SRPK1: variants seen among roughly 807,000 people sequenced by gnomAD.
The protein encoded by SRPK1 is SRSF protein kinase 1, also known as SFRS protein kinase 1.
In SRPK1, 52 loss-of-function variants were observed where a neutral mutation model predicts 89.5. The observed-to-expected ratio is 0.58, with a 90% CI of 0.46 to 0.73. The LOEUF is 0.73. SRPK1 is among the 30% of genes least tolerant of loss of function. The pLI, the probability that SRPK1 is intolerant of heterozygous loss-of-function variation, is 0.00. For synonymous variants in SRPK1, 255 were observed against 270.2 expected (o/e 0.94, Z 0.55); for missense variants, 603 against 780.6 (o/e 0.77, Z 2.71).
chr6:35,845,693 T>A (rs932354224), intron 13 of SRPK1, among the ~76,000 whole-genome samples: 9 of 152,174 alleles, frequency 5.9e-5, no homozygotes, highest in Non-Finnish European at 1.3e-4. Context: ...CAAGGAGTGA[T>A]TACCAAACAG....
At chr6:35,907,453 C>T (rs1770872285) in intron 2 of SRPK1, among the ~76,000 whole-genome samples, 1 of 152,076 alleles carries the variant, frequency 6.6e-6, no homozygotes, top group Non-Finnish European at 1.5e-5. Context: ...CACCTGTAAT[C>T]CCAGCACTTT....
intron 14 of SRPK1, 146 bp from the exon 15 acceptor site, chr6:35,838,575 A>AG: frequency 7.1e-7 from 1 of 1,404,742 alleles, no homozygotes; most frequent in Non-Finnish European, 9.8e-7. Flanking sequence ...AAATGGGAAG[A>AG]GGAAGACTCT....
At chr6:35,880,742 A>AAAAAAAAAGAAAG (rs1770262343) in intron 6 of SRPK1, among the ~76,000 whole-genome samples, 1 of 28,190 alleles carries the variant, frequency 3.5e-5, no homozygotes, top group Non-Finnish European at 5.6e-5. Context: ...AAAGAAAAAA[A>AAAAAAAAAGAAAG]AAAAAAAAGA....
At chr6:35,891,489 G>A (rs781410849) in intron 2 of SRPK1, among the ~76,000 whole-genome samples, 3 of 152,242 alleles carry the variant, frequency 2.0e-5, no homozygotes, top group Admixed American at 1.3e-4. Context: ...GGAGGCCGAG[G>A]TGGGTGGATC....
intron 2 of SRPK1, chr6:35,895,585 A>G (rs1245379937): frequency 6.6e-6 from 1 of 151,954 alleles, no homozygotes; most frequent in Non-Finnish European, 1.5e-5. Flanking sequence ...GCCCTCTTTC[A>G]CCTGCTCCTT....
intron 2 of SRPK1, among the ~76,000 whole-genome samples, chr6:35,906,798 A>AT (rs1344172615): frequency 6.6e-6 from 1 of 151,980 alleles, no homozygotes; most frequent in Non-Finnish European, 1.5e-5. Flanking sequence ...CACAGTTAAA[A>AT]TGAGTTTTAA....
Position 35,858,567 on chromosome 6 carries a change from G to A in SRPK1, c.1513-1199C>T, listed in dbSNP as rs375454361. On this transcript the variant is annotated intron_variant, in intron 12 of 15. Coordinates refer to ENST00000373825, the MANE Select transcript of SRPK1 (RefSeq NM_003137.5). ...GGAAACTATAAAACAATGGAGCAAC[G>A]ACATTCTGAAAGAAAATGTTTTCTA... Among the ~76,000 whole-genome samples the A allele has an allele frequency of 1.2e-4, 18 of 152,210 alleles. No homozygotes were observed. The South Asian group carries it at 2.5e-3, about 21-fold the overall frequency.
At chr6:35,885,292 C>CAG (rs1237408705) in intron 6 of SRPK1, among the ~76,000 whole-genome samples, 4 of 135,320 alleles carry the variant, frequency 3.0e-5, no homozygotes, top group South Asian at 2.4e-4. Flanking sequence ...CACACACACA[C>CAG]ACACACAGAG....
intron 12 of SRPK1, among the ~76,000 whole-genome samples, chr6:35,867,606 C>T (rs1191129194): frequency 6.6e-6 from 1 of 152,008 alleles, no homozygotes; most frequent in South Asian, 2.1e-4. Context: ...ACTTGAGGTC[C>T]GGAGTTTGAG....
At chr6:35,908,321 C>T (rs1210383439) in intron 2 of SRPK1, among the ~76,000 whole-genome samples, 1 of 152,130 alleles carries the variant, frequency 6.6e-6, no homozygotes, top group Non-Finnish European at 1.5e-5. Flanking sequence ...ACTATTTTGA[C>T]CAAAATGCTG....
At chr6:35,838,952 C>A (rs1191468584) in intron 14 of SRPK1, 3 of 769,090 alleles carry the variant, frequency 3.9e-6, no homozygotes, top group Non-Finnish European at 5.4e-6. Context: ...AGAATTATTT[C>A]AGGTGGTTGG....
intron 2 of SRPK1, among the ~76,000 whole-genome samples, chr6:35,915,416 A>G (rs1404982075): frequency 6.6e-6 from 1 of 151,664 alleles, no homozygotes; most frequent in East Asian, 1.9e-4. Flanking sequence ...CAAAAAAAAA[A>G]AAAAAAAAGA....
Position 35,892,653 on chromosome 6 carries a change from AAACAACAAC to A in SRPK1, c.75-1649_75-1641del, listed in dbSNP as rs34158380. ...GGCAACAGGGCAAGATTCTGTCTAA[AAACAACAAC>A]AACAACAACAACAACAACAACAACA... On this transcript the variant is annotated intron_variant, in intron 2 of 15. Coordinates refer to ENST00000373825, the MANE Select transcript of SRPK1 (RefSeq NM_003137.5). 1.2e-3 allele frequency among the ~76,000 whole-genome samples: 179 copies of A among 148,520 alleles called. 1 individual carries two copies. Among genetic ancestry groups the A allele is most frequent in the African/African-American group, 3.6e-3 (146 of 40,376 alleles).
intron 2 of SRPK1, among the ~76,000 whole-genome samples, chr6:35,898,073 A>C (rs1770660028): frequency 6.6e-6 from 1 of 152,210 alleles, no homozygotes; most frequent in African/African-American, 2.4e-5. Context: ...TGAACTTTTA[A>C]AGTATTTATA....
chr6:35,869,376 C>T (rs1769981548), intron 11 of SRPK1, 106 bp downstream of exon 11: 1 of 1,336,872 alleles, frequency 7.5e-7, no homozygotes, highest in Admixed American at 2.0e-5. Context: ...CTTAGACACA[C>T]CTGTTGTAAA....
At chr6:35,897,883 A>G (rs1323174679) in intron 2 of SRPK1, among the ~76,000 whole-genome samples, 1 of 152,196 alleles carries the variant, frequency 6.6e-6, no homozygotes, top group Non-Finnish European at 1.5e-5. Context: ...ATGTCCAACA[A>G]GAGGTGGGTT....
intron 13 of SRPK1, among the ~76,000 whole-genome samples, chr6:35,852,448 G>A (rs1048452515): frequency 1.3e-5 from 2 of 152,136 alleles, no homozygotes; most frequent in African/African-American, 4.8e-5. Context: ...GTAAACAAAA[G>A]CAAACCTATA....
At chr6:35,858,731 G>C (rs1769717443) in intron 12 of SRPK1, among the ~76,000 whole-genome samples, 2 of 151,648 alleles carry the variant, frequency 1.3e-5, no homozygotes, top group Admixed American at 6.6e-5. Flanking sequence ...CTACAAAAAA[G>C]ATGACATAAA....
chr6:35,896,740 A>G (rs1490991565), intron 2 of SRPK1, among the ~76,000 whole-genome samples: 2 of 152,238 alleles, frequency 1.3e-5, no homozygotes, highest in Non-Finnish European at 1.5e-5. Flanking sequence ...AATGTACTAT[A>G]AAGTAAAATG....
Sources: allele counts gnomAD v4.1 joint callset (sites outside exome capture counted in the v4.1 genomes callset), GRCh38; gene constraint gnomAD v4.1.1; transcripts MANE v1.5; gene names NCBI Gene and HGNC (gene_info 2026-07-23, HGNC 2026-07-21).